Variants in IFT140 observed in about 807,000 individuals in gnomAD.
IFT140 encodes the protein intraflagellar transport 140.
A neutral mutation model predicts 164.6 loss-of-function variants in IFT140; 133 were observed. That is an observed-to-expected ratio of 0.81 (90% confidence interval 0.70 to 0.93). The LOEUF (loss-of-function observed/expected upper bound fraction) is 0.93. Ranked by LOEUF, IFT140 falls within the 40% of genes least tolerant of loss-of-function variation. The pLI, the probability that IFT140 is intolerant of heterozygous loss-of-function variation, is 0.00. For missense variants in IFT140, 2,045 were observed against 1,972.3 expected (o/e 1.04, Z -0.70); for synonymous variants, 860 against 817.3 (o/e 1.05, Z -0.89).
At chr16:1,571,315 G>T in intron 14 of IFT140, 92 bp downstream of exon 14, 2 of 1,251,556 alleles carry the variant, frequency 1.6e-6, no homozygotes, top group Non-Finnish European at 2.2e-6. Flanking sequence ...CACCTAAGGA[G>T]TCTTCTGGCT....
chr16:1,511,233 G>T, intron 30 of IFT140, 83 bp from the exon 31 acceptor site: 1 of 1,348,966 alleles, frequency 7.4e-7, no homozygotes. Context: ...ACGTGCTGCT[G>T]CCCCTGGAGG....
chr16:1,533,712 G>C lies in IFT140; in HGVS notation c.2400-6916C>G, dbSNP rs546874695. 1 of 153,516 alleles carries C rather than the reference G, an allele frequency of 6.5e-6. No homozygotes were observed. The highest frequency in any genetic ancestry group is 2.0e-4 in the South Asian group (1 of 4,900). The allele number at this position is 153,516 out of a possible 1,614,324, so 9.5% of individuals were successfully genotyped here. A position where few individuals can be genotyped will look rare whatever the true frequency, so the allele number is the denominator to read the frequency against. On this transcript the variant is annotated intron_variant, in intron 19 of 30. Coordinates refer to ENST00000426508, the MANE Select transcript of IFT140 (RefSeq NM_014714.4). This position sits in a 1 kb window ranked among gnomAD's most constrained non-coding sequence, Gnocchi z 4.7. ...CAGGGAAGGCGAGCTCTGCGCACAC[G>C]GGCGTCCCTGCAGCAGCCACTCTGC... is the stretch of plus-strand genomic sequence containing the variant.
chr16:1,535,862 C>T (rs2031014053), intron 19 of IFT140, among the ~76,000 whole-genome samples: 1 of 152,284 alleles, frequency 6.6e-6, no homozygotes, highest in Non-Finnish European at 1.5e-5. Context: ...AACTTCAAAG[C>T]TTCCACCGGC....
At chr16:1,543,855 G>A (rs1243223398) in intron 19 of IFT140, among the ~76,000 whole-genome samples, 1 of 152,148 alleles carries the variant, frequency 6.6e-6, no homozygotes, top group Non-Finnish European at 1.5e-5. Flanking sequence ...TGCAGGAATC[G>A]GAAATGCCGT....
chr16:1,563,434 C>G (rs1380320929), intron 17 of IFT140, among the ~76,000 whole-genome samples: 1 of 150,822 alleles, frequency 6.6e-6, no homozygotes, highest in Non-Finnish European at 1.5e-5. Flanking sequence ...ACCTGGGCGA[C>G]AGAGAGAGAC....
intron 13 of IFT140, among the ~76,000 whole-genome samples, chr16:1,575,637 A>G (rs1200599077): frequency 6.6e-6 from 1 of 152,228 alleles, no homozygotes; most frequent in Non-Finnish European, 1.5e-5. Context: ...CCCAAGCTCT[A>G]CAAGTAGGAC....
At chr16:1,519,643 A>G (rs1010858687) in intron 29 of IFT140, among the ~76,000 whole-genome samples, 3 of 150,320 alleles carry the variant, frequency 2.0e-5, no homozygotes, top group Non-Finnish European at 3.0e-5. Flanking sequence ...TCCTCCTCCC[A>G]CTCCCCCACC....
rs1373809025 is a variant in IFT140 at position 1,553,409 on chromosome 16, G to C, written c.2399+4526C>G. The C allele has an allele frequency of 5.0e-5, 49 of 985,310 alleles. No individual in the cohort carries two copies. The highest frequency in any genetic ancestry group is 5.9e-5 in the Non-Finnish European group (49 of 829,948). The allele number at this position is 985,310 out of a possible 1,614,324, so 61.0% of individuals were successfully genotyped here. A position where few individuals can be genotyped will look rare whatever the true frequency, so the allele number is the denominator to read the frequency against. On this transcript the variant is annotated intron_variant, in intron 19 of 30. Transcript: ENST00000426508. The surrounding 1 kb of genome is among the most constrained non-coding windows in gnomAD (Gnocchi z 4.4). The stretch of plus-strand genomic sequence containing the variant: ...TGATTTGGTTTCCTGGGGAATGCAG[G>C]GGAGGCGGTTGGGAGTGGAGAGACC...
intron 6 of IFT140, among the ~76,000 whole-genome samples, chr16:1,591,052 C>T (rs1372210875): frequency 6.6e-6 from 1 of 152,212 alleles, no homozygotes; most frequent in Non-Finnish European, 1.5e-5. Context: ...ACTGGGTAGA[C>T]ACCAGTATTA....
chr16:1,525,919 C>T lies in IFT140; in HGVS notation c.2736G>A (p.Glu912=). The T allele has an allele frequency of 2.6e-6, 4 of 1,564,962 alleles. No individual in the cohort carries two copies. Among genetic ancestry groups the T allele is most frequent in the Non-Finnish European group, 3.5e-6 (4 of 1,156,712 alleles). ...STYHRYAGHL[E]ASADCSRALS... is the part of the protein sequence containing the mutation. ...GGGCCCGGCTGCAGTCGGCGCTGGCCTCCAGGTGCCCGGCATAGCGGTGGT... is the reference window on the plus strand; with the variant it reads ...GGGCCCGGCTGCAGTCGGCGCTGGCTTCCAGGTGCCCGGCATAGCGGTGGT... Residue 912 remains glutamate, a synonymous_variant, in exon 21 of 31, where the codon GAG becomes GAA. Transcript: ENST00000426508.
chr16:1,527,546 G>A (rs2040745563), intron 19 of IFT140, among the ~76,000 whole-genome samples: 1 of 152,182 alleles, frequency 6.6e-6, no homozygotes, highest in Non-Finnish European at 1.5e-5. Flanking sequence ...ACAGGTGCAG[G>A]GACGGTGGAA....
intron 13 of IFT140, among the ~76,000 whole-genome samples, chr16:1,572,295 A>T (rs1439090913): frequency 2.0e-5 from 3 of 152,166 alleles, no homozygotes; most frequent in Non-Finnish European, 4.4e-5. Flanking sequence ...TTTTCAAAGC[A>T]TCACCTTGGC....
chr16:1,525,608 C>T (rs2040666004), intron 21 of IFT140, among the ~76,000 whole-genome samples: 1 of 152,226 alleles, frequency 6.6e-6, no homozygotes, highest in South Asian at 2.1e-4. Context: ...TGTCTGTCCT[C>T]AGGAGACATC....
At chr16:1,587,160 T>G in intron 9 of IFT140, 38 bp downstream of exon 9, 1 of 1,279,614 alleles carries the variant, frequency 7.8e-7, no homozygotes, top group Non-Finnish European at 1.1e-6. Context: ...TGCTTGTGGT[T>G]GGTTCTGTTT....
rs1290499627 is a variant in IFT140 at position 1,589,798 on chromosome 16, G to A, written c.635-18C>T. 2 of 1,604,348 alleles carry A rather than the reference G, an allele frequency of 1.2e-6. No individual in the cohort carries two copies. Among genetic ancestry groups the A allele is most frequent in the Admixed American group, 1.7e-5 (1 of 59,868 alleles). The stretch of plus-strand genomic sequence containing the variant: ...CACTGTCCCTGGGGACAAACGTGGG[G>A]TCACTACATGAGGAGGCCCTGGTTT... On this transcript the variant is annotated intron_variant, in intron 6 of 30. Transcript: ENST00000426508.
Position 1,520,291 on chromosome 16 carries a change from G to T in IFT140, c.3713C>A (p.Ala1238Glu). The T allele has an allele frequency of 6.2e-7, 1 of 1,614,174 alleles. No homozygotes were observed. Among genetic ancestry groups the T allele is most frequent in the Non-Finnish European group, 8.5e-7 (1 of 1,180,042 alleles). ...GATTTCCTTCTGCCTGGACACGCTCGCGAAGAACGTGATTTTCTCCGTGTC... is the reference window on the plus strand; with the variant it reads ...GATTTCCTTCTGCCTGGACACGCTCTCGAAGAACGTGATTTTCTCCGTGTC... ...SGDTEKITFFASVSRQKEIYI... is the reference protein window; with the variant it reads ...SGDTEKITFFESVSRQKEIYI... The change falls in exon 28 of 31, where the codon GCG (alanine) becomes GAG (glutamate). Residue 1238 changes from alanine (A) to glutamate (E), a missense_variant. Coordinates refer to ENST00000426508, the MANE Select transcript of IFT140 (RefSeq NM_014714.4).
At position 1,510,713 on chromosome 16, in the gene IFT140, C is replaced by T. The variant is rs1484725420; in HGVS notation, c.*231G>A. ...CCCGACTCCCTTCAAAGGAATGAAT[C>T]CAAAAATCTAGTGGAGCTGCCGGGC... On this transcript the variant is annotated 3_prime_UTR_variant, in exon 31 of 31. Coordinates refer to ENST00000426508, the MANE Select transcript of IFT140 (RefSeq NM_014714.4). 3 of 593,238 alleles carry T rather than the reference C, an allele frequency of 5.1e-6. No individual in the cohort carries two copies. In the African/African-American group the frequency reaches 5.6e-5, roughly 11 times the overall value. The allele number at this position is 593,238 out of a possible 1,614,324, so 36.7% of individuals were successfully genotyped here.
chr16:1,609,552 C>T (rs1339897268), intron 2 of IFT140, among the ~76,000 whole-genome samples: 3 of 152,224 alleles, frequency 2.0e-5, no homozygotes, highest in Non-Finnish European at 4.4e-5. Context: ...AGTATTCCCA[C>T]CTCCTTACAA....
At chr16:1,541,486 G>T (rs1206609183) in intron 19 of IFT140, 10 of 985,302 alleles carry the variant, frequency 1.0e-5, no homozygotes, top group African/African-American at 1.7e-5. Context: ...CCCCCGCGGA[G>T]TCTCCGGTCA....
Sources: allele counts gnomAD v4.1 joint callset (sites outside exome capture counted in the v4.1 genomes callset), GRCh38; gene constraint gnomAD v4.1.1; non-coding constraint Gnocchi (gnomAD v3.1); transcripts MANE v1.5; gene names NCBI Gene and HGNC (gene_info 2026-07-23, HGNC 2026-07-21).